ATF1: variants seen among roughly 807,000 people sequenced by gnomAD.
ATF1 encodes activating transcription factor 1.
Under a neutral mutation model 34.7 loss-of-function variants are expected in ATF1, and 16 were observed. The observed-to-expected ratio is 0.46, with a 90% CI of 0.31 to 0.70. The LOEUF (loss-of-function observed/expected upper bound fraction) is 0.70. ATF1 is among the 30% of genes least tolerant of loss of function. The pLI, the probability that ATF1 is intolerant of heterozygous loss-of-function variation, is 0.05. For missense variants in ATF1, 255 were observed against 321.6 expected, an observed-to-expected ratio of 0.79 and a Z score of 1.58; for synonymous variants, 105 against 113.1, an observed-to-expected ratio of 0.93 and a Z score of 0.46.
Position 50,819,701 on chromosome 12 carries a change from AGT to A in ATF1, c.739_740del (p.Val247ProfsTer6). ...TGAAATGCCTGGAAAACCGAGTTGCAGTCCTGGAAAATCAAAATAAAACTCTA... is the reference window on the plus strand; with the variant it reads ...TGAAATGCCTGGAAAACCGAGTTGCACCTGGAAAATCAAAATAAAACTCTA... ...YVKCLENRVA[V>X]LENQNKTLIE... On this transcript the variant is annotated frameshift_variant, in exon 7 of 7. Transcript: ENST00000262053. LOFTEE classifies it high-confidence loss of function. 6.2e-7 allele frequency: 1 copy of A among 1,611,534 alleles called. No individual in the cohort carries two copies. The highest frequency in any genetic ancestry group is 8.5e-7 in the Non-Finnish European group (1 of 1,178,520).
At chr12:50,799,314 G>A (rs1270649308) in intron 3 of ATF1, among the ~76,000 whole-genome samples, 1 of 152,170 alleles carries the variant, frequency 6.6e-6, no homozygotes, top group East Asian at 1.9e-4. Flanking sequence ...GAGCCCAGGA[G>A]GTTGATGCTT....
At chr12:50,806,152 GAAAAAAA>G (rs112814512) in intron 3 of ATF1, among the ~76,000 whole-genome samples, 1 of 106,838 alleles carries the variant, frequency 9.4e-6, no homozygotes, top group African/African-American at 3.4e-5. Context: ...CTGTCTCAAA[GAAAAAAA>G]AAAAAAAGAA....
chr12:50,814,628 C>T (rs568709132), intron 6 of ATF1, among the ~76,000 whole-genome samples, 189 bp downstream of exon 6: 1 of 152,222 alleles, frequency 6.6e-6, no homozygotes, highest in African/African-American at 2.4e-5. Context: ...GTGCTAATGT[C>T]ATAGTGCAAC....
At chr12:50,777,046 G>T (rs1473121565) in intron 1 of ATF1, among the ~76,000 whole-genome samples, 1 of 152,020 alleles carries the variant, frequency 6.6e-6, no homozygotes, top group African/African-American at 2.4e-5. Flanking sequence ...TAGAGATGGG[G>T]TTTCACTGTG....
intron 2 of ATF1, among the ~76,000 whole-genome samples, chr12:50,785,213 G>C (rs1052477634): frequency 6.7e-6 from 1 of 149,050 alleles, no homozygotes; most frequent in South Asian, 2.1e-4. Context: ...CTTGAGCCCA[G>C]GAGTTCCAGA....
At chr12:50,804,874 C>T (rs923451968) in intron 3 of ATF1, among the ~76,000 whole-genome samples, 1 of 150,630 alleles carries the variant, frequency 6.6e-6, no homozygotes, top group Non-Finnish European at 1.5e-5. Context: ...TGCAGTGGCG[C>T]GATCTTGGCT....
intron 3 of ATF1, 59 bp from the exon 4 acceptor site, chr12:50,809,392 AAAATT>A: frequency 2.1e-5 from 27 of 1,300,808 alleles, no homozygotes; most frequent in Admixed American, 4.8e-5. Flanking sequence ...AAAAAAAAAA[AAAATT>A]ATTTTTGTGA....
At position 50,785,906 on chromosome 12, in the gene ATF1, AATGACATCCCATTTCCTTGTGATAAAAC is replaced by A. The variant is rs566321499; in HGVS notation, c.93+5681_93+5708del. On this transcript the variant is annotated intron_variant, in intron 2 of 6. Coordinates refer to ENST00000262053, the MANE Select transcript of ATF1 (RefSeq NM_005171.5). ...GTCTTATACATAATATAATCAAAGG[AATGACATCCCATTTCCTTGTGATAAAAC>A]ATGACATCCCATCATCTTTGCTTAA... is the stretch of plus-strand genomic sequence containing the variant. Among the ~76,000 whole-genome samples, 245 of 152,306 alleles carry A rather than the reference AATGACATCCCATTTCCTTGTGATAAAAC, an allele frequency of 1.6e-3. 1 individual carries two copies. The highest frequency in any genetic ancestry group is 5.4e-3 in the African/African-American group (225 of 41,564).
chr12:50,787,232 A>C (rs1233536237), intron 2 of ATF1, among the ~76,000 whole-genome samples: 1 of 152,206 alleles, frequency 6.6e-6, no homozygotes, highest in Non-Finnish European at 1.5e-5. Context: ...TACCAAAAGC[A>C]CACAAAGAAG....
At chr12:50,780,028 C>A in intron 1 of ATF1, 112 bp from the exon 2 acceptor site, 1 of 696,896 alleles carries the variant, frequency 1.4e-6, no homozygotes, top group Middle Eastern at 3.5e-4. Context: ...ACCATTGCTA[C>A]CAGTTCTTTT....
chr12:50,794,017 C>A (rs1941359280), intron 2 of ATF1, among the ~76,000 whole-genome samples: 1 of 151,872 alleles, frequency 6.6e-6, no homozygotes, highest in Admixed American at 6.6e-5. Context: ...GTGGCGCGAT[C>A]TCGGCTTACT....
Position 50,819,844 on chromosome 12 carries a change from T to G in ATF1, c.*65T>G, listed in dbSNP as rs891268084. On this transcript the variant is annotated 3_prime_UTR_variant, in exon 7 of 7. Transcript: ENST00000262053. ...ATTAAATGGATTTCCTAGTGGAGTT[T>G]TATAAATTAAAAGGTCAAAACTGAA... 3 of 1,347,580 alleles carry G rather than the reference T, an allele frequency of 2.2e-6. No individual in the cohort carries two copies. The highest frequency in any genetic ancestry group is 3.0e-6 in the Non-Finnish European group (3 of 984,220). 83.5% of individuals were successfully genotyped at this position (1,347,580 alleles called of 1,614,324 possible). A position where few individuals can be genotyped will look rare whatever the true frequency, so the allele number is the denominator to read the frequency against.
chr12:50,778,512 C>T (rs1426265033), intron 1 of ATF1, among the ~76,000 whole-genome samples: 3 of 152,116 alleles, frequency 2.0e-5, no homozygotes, highest in African/African-American at 4.8e-5. Context: ...CGTGAGCCAC[C>T]GCGCCTGGCC....
chr12:50,769,629 T>C (rs1940723614), intron 1 of ATF1, among the ~76,000 whole-genome samples: 1 of 152,236 alleles, frequency 6.6e-6, no homozygotes, highest in African/African-American at 2.4e-5. Flanking sequence ...GAAACTCCTA[T>C]AATTCTAATA....
chr12:50,766,471 C>G (rs1235780046), intron 1 of ATF1, among the ~76,000 whole-genome samples: 1 of 151,210 alleles, frequency 6.6e-6, no homozygotes, highest in African/African-American at 2.4e-5. Context: ...TGAACAGGAT[C>G]GTGGGACATG....
intron 1 of ATF1, among the ~76,000 whole-genome samples, chr12:50,770,229 GAATAC>G (rs1237761978): frequency 6.6e-6 from 1 of 152,204 alleles, no homozygotes; most frequent in Admixed American, 6.6e-5. Flanking sequence ...TTTTGTAACA[GAATAC>G]AATTGGAGAA....
At chr12:50,782,925 A>G (rs1230376988) in intron 2 of ATF1, among the ~76,000 whole-genome samples, 1 of 151,012 alleles carries the variant, frequency 6.6e-6, no homozygotes, top group East Asian at 2.0e-4. Flanking sequence ...CCTGACGTCA[A>G]GTGATCCACC....
At chr12:50,806,861 T>C (rs983016503) in intron 3 of ATF1, among the ~76,000 whole-genome samples, 60 of 152,304 alleles carry the variant, frequency 3.9e-4, no homozygotes, top group African/African-American at 1.4e-3. Context: ...CTGACTATTC[T>C]ACAGAAATGC....
chr12:50,813,820 G>GA (rs5798153), intron 4 of ATF1, among the ~76,000 whole-genome samples, 190 bp from the exon 5 acceptor site: 3 of 148,850 alleles, frequency 2.0e-5, no homozygotes, highest in South Asian at 2.1e-4. Flanking sequence ...TCTCAAAAAA[G>GA]AAAAAAAAAA....
Sources: gnomAD v4.1 joint callset for allele counts (sites outside exome capture counted in the v4.1 genomes callset) on GRCh38, gnomAD v4.1.1 for gene constraint, MANE v1.5 for transcripts, NCBI Gene and HGNC (gene_info 2026-07-23, HGNC 2026-07-21) for gene names.